PPARGC1B: variants seen among roughly 807,000 people sequenced by gnomAD.
PPARGC1B encodes the protein PPARG coactivator 1 beta.
Under a neutral mutation model 101.6 loss-of-function variants are expected in PPARGC1B, and 34 were observed. The observed-to-expected ratio is 0.33, with a 90% CI of 0.25 to 0.45. The LOEUF is 0.45. Among genes scored for constraint, PPARGC1B ranks in the 20% least tolerant of loss-of-function variants. The pLI is 1.00. For synonymous variants in PPARGC1B, 548 were observed against 539.3 expected (o/e 1.02, Z -0.22); for missense variants, 1,234 against 1,317.6 (o/e 0.94, Z 0.98).
At chr5:149,739,380 A>C in intron 1 of PPARGC1B, among the ~76,000 whole-genome samples, 1 of 152,242 alleles carries the variant, frequency 6.6e-6, no homozygotes, top group Non-Finnish European at 1.5e-5. Flanking sequence ...ACTGAGGTGC[A>C]GGGAGGTTAG....
intron 1 of PPARGC1B, among the ~76,000 whole-genome samples, chr5:149,748,231 G>T (rs1043631348): frequency 6.6e-6 from 1 of 152,070 alleles, no homozygotes; most frequent in South Asian, 2.1e-4. Context: ...CTGACTTAGG[G>T]CATGGTACTT....
chr5:149,764,972 G>A (rs556646913), intron 1 of PPARGC1B, among the ~76,000 whole-genome samples: 64 of 152,126 alleles, frequency 4.2e-4, no homozygotes, highest in Non-Finnish European at 7.6e-4. Context: ...ACTCCCTGGG[G>A]TGGGCTTCTT....
intron 1 of PPARGC1B, among the ~76,000 whole-genome samples, chr5:149,744,907 A>AG (rs777142732): frequency 5.5e-4 from 54 of 97,950 alleles, no homozygotes; most frequent in Non-Finnish European, 9.3e-4. Context: ...TAGCTTTGTG[A>AG]CTTTTTTTTT....
intron 1 of PPARGC1B, among the ~76,000 whole-genome samples, chr5:149,795,847 G>A (rs1007753497): frequency 6.6e-6 from 1 of 151,958 alleles, no homozygotes; most frequent in Non-Finnish European, 1.5e-5. Flanking sequence ...ACCCTGTTTT[G>A]GAGTCAGACT....
chr5:149,751,691 G>C (rs1477213172), intron 1 of PPARGC1B, among the ~76,000 whole-genome samples: 1 of 151,110 alleles, frequency 6.6e-6, no homozygotes, highest in Non-Finnish European at 1.5e-5. Flanking sequence ...GGGCGACAGA[G>C]GAAGACTCTG....
chr5:149,759,696 A>G (rs1581021479), intron 1 of PPARGC1B, among the ~76,000 whole-genome samples: 1 of 152,278 alleles, frequency 6.6e-6, no homozygotes, highest in Middle Eastern at 3.4e-3. Context: ...GAGGAAGTGT[A>G]TTTGGTTGAA....
intron 1 of PPARGC1B, among the ~76,000 whole-genome samples, chr5:149,807,333 A>G (rs1757638574): frequency 6.6e-6 from 1 of 152,010 alleles, no homozygotes; most frequent in South Asian, 2.1e-4. Flanking sequence ...CCCTAGGCAC[A>G]TCTGAATTTT....
At chr5:149,843,140 C>A (rs1759416016) in intron 10 of PPARGC1B, among the ~76,000 whole-genome samples, 1 of 152,100 alleles carries the variant, frequency 6.6e-6, no homozygotes. Context: ...TGCACTCCAG[C>A]CTGGGTGATA....
At chr5:149,772,186 C>G in intron 1 of PPARGC1B, 1 of 1,606,092 alleles carries the variant, frequency 6.2e-7, no homozygotes, top group South Asian at 1.1e-5. Flanking sequence ...GTGGTGAAGG[C>G]TTTTTCTGTG....
intron 1 of PPARGC1B, among the ~76,000 whole-genome samples, chr5:149,815,539 A>C (rs1758018408): frequency 7.2e-6 from 1 of 139,658 alleles, no homozygotes; most frequent in South Asian, 2.4e-4. Flanking sequence ...TAGCAACCTA[A>C]TTTATTTATT....
At chr5:149,808,895 T>G (rs1429576060) in intron 1 of PPARGC1B, among the ~76,000 whole-genome samples, 2 of 152,176 alleles carry the variant, frequency 1.3e-5, no homozygotes, top group African/African-American at 4.8e-5. Flanking sequence ...GATAAATTAG[T>G]AATGGGGGTA....
intron 1 of PPARGC1B, among the ~76,000 whole-genome samples, chr5:149,750,453 AATATAT>A (rs55971526): frequency 0.034 from 4,239 of 123,118 alleles, 151 homozygotes; most frequent in Middle Eastern, 0.083. Context: ...TTTTAGTTAA[AATATAT>A]ATATATATAT....
intron 1 of PPARGC1B, among the ~76,000 whole-genome samples, chr5:149,811,013 T>C (rs990990000): frequency 2.6e-5 from 4 of 151,962 alleles, no homozygotes; most frequent in Non-Finnish European, 5.9e-5. Context: ...GGCTGGGAGG[T>C]GCAGGGAGGC....
chr5:149,813,597 C>T (rs1441422539), intron 1 of PPARGC1B, among the ~76,000 whole-genome samples: 3 of 152,184 alleles, frequency 2.0e-5, no homozygotes, highest in East Asian at 1.9e-4. Context: ...CCCCAGTGTT[C>T]CCATCAGTCA....
At chr5:149,808,742 T>C (rs775749655) in intron 1 of PPARGC1B, among the ~76,000 whole-genome samples, 17 of 152,188 alleles carry the variant, frequency 1.1e-4, no homozygotes, top group Non-Finnish European at 2.2e-4. Context: ...TCATTTTGTT[T>C]CTTGAACGCA....
intron 1 of PPARGC1B, among the ~76,000 whole-genome samples, chr5:149,773,958 C>A (rs557164308): frequency 6.6e-6 from 1 of 152,206 alleles, no homozygotes; most frequent in Non-Finnish European, 1.5e-5. Flanking sequence ...TGCTCTGTCC[C>A]CAGATGCATG....
At chr5:149,740,840 C>A (rs563056472) in intron 1 of PPARGC1B, among the ~76,000 whole-genome samples, 4 of 152,310 alleles carry the variant, frequency 2.6e-5, no homozygotes, top group East Asian at 3.9e-4. Context: ...AAATGGTGGT[C>A]ACTAGGATGA....
chr5:149,821,085 T>C (rs114267672), intron 2 of PPARGC1B, among the ~76,000 whole-genome samples: 111 of 152,340 alleles, frequency 7.3e-4, no homozygotes, highest in African/African-American at 2.6e-3. Context: ...GAGCCGGGAC[T>C]TTACGACCAT....
At position 149,831,412 on chromosome 5, in the gene PPARGC1B, C is replaced by T. The variant is rs1317230148; in HGVS notation, c.582+529C>T. 7.9e-5 allele frequency among the ~76,000 whole-genome samples: 12 copies of T among 152,232 alleles called. No individual in the cohort carries two copies. In the East Asian group the frequency reaches 2.3e-3, roughly 29 times the overall value. Reference sequence around the variant, plus strand: ...CCTCAAAGGCTACACACAACCCCTCCTCTTCCTGGTCCTGGACGCTTCTCC... The same window carrying T: ...CCTCAAAGGCTACACACAACCCCTCTTCTTCCTGGTCCTGGACGCTTCTCC... On this transcript the variant is annotated intron_variant, in intron 4 of 11. Transcript: ENST00000309241.
Sources: allele counts gnomAD v4.1 joint callset (sites outside exome capture counted in the v4.1 genomes callset), GRCh38; gene constraint gnomAD v4.1.1; transcripts MANE v1.5; gene names NCBI Gene and HGNC (gene_info 2026-07-23, HGNC 2026-07-21).